The following KAT2B variants were observed in gnomAD, a reference collection of about 807,000 sequenced individuals.
The protein encoded by KAT2B is lysine acetyltransferase 2B, also known as histone acetyltransferase KAT2B.
A neutral mutation model predicts 105.9 loss-of-function variants in KAT2B; 36 were observed. The observed-to-expected ratio is 0.34, with a 90% CI of 0.26 to 0.45. The LOEUF (loss-of-function observed/expected upper bound fraction) is 0.45, where lower values mean the gene tolerates loss of function less well. Ranked by LOEUF, KAT2B falls within the 20% of genes least tolerant of loss-of-function variation. The pLI, the probability that KAT2B is intolerant of heterozygous loss-of-function variation, is 1.00. For missense variants in KAT2B, 820 were observed against 1,021.6 expected, an observed-to-expected ratio of 0.80 and a Z score of 2.69; for synonymous variants, 397 against 377.9, an observed-to-expected ratio of 1.05 and a Z score of -0.59.
At chr3:20,040,902 C>G in intron 1 of KAT2B, 122 bp downstream of exon 1, 1 of 1,211,882 alleles carries the variant, frequency 8.3e-7, no homozygotes, top group Non-Finnish European at 1.1e-6. Flanking sequence ...CGCCTGGGGC[C>G]GCTGCACCGC....
intron 1 of KAT2B, among the ~76,000 whole-genome samples, chr3:20,051,600 A>C (rs986415176): frequency 1.3e-5 from 2 of 152,188 alleles, no homozygotes; most frequent in African/African-American, 4.8e-5. Flanking sequence ...TAGTTGATAG[A>C]GATGTTGGAA....
At chr3:20,101,571 A>T in intron 5 of KAT2B, 103 bp downstream of exon 5, 1 of 824,070 alleles carries the variant, frequency 1.2e-6, no homozygotes, top group East Asian at 2.5e-5. Context: ...TATCATTATG[A>T]CTCCATCAAT....
chr3:20,144,383 G>T (rs1407182179), intron 13 of KAT2B, among the ~76,000 whole-genome samples: 1 of 146,466 alleles, frequency 6.8e-6, no homozygotes, highest in Non-Finnish European at 1.5e-5. Flanking sequence ...CTGCCTCCTG[G>T]GTTCGCACCA....
chr3:20,122,338 C>T (rs907060141), intron 8 of KAT2B, among the ~76,000 whole-genome samples: 4 of 152,152 alleles, frequency 2.6e-5, no homozygotes, highest in Non-Finnish European at 5.9e-5. Context: ...GTTCTCTGAC[C>T]TTGAAGAGAC....
At position 20,136,987 on chromosome 3, in the gene KAT2B, A is replaced by G; in HGVS notation, c.1795A>G (p.Lys599Glu). 1.9e-6 allele frequency: 3 copies of G among 1,610,830 alleles called. No individual in the cohort carries two copies. Among genetic ancestry groups the G allele is most frequent in the Non-Finnish European group, 2.5e-6 (3 of 1,177,126 alleles). The change falls in exon 12 of 18, where the codon AAG becomes GAG. Residue 599 changes from lysine to glutamate, a missense_variant. Around this residue, in one of 6 missense-constraint regions of KAT2B, gnomAD observed 227 missense variants for 292.9 expected, o/e 0.77. Transcript: ENST00000263754. ...GAATCATTTGAAAGAATATCACATA[A>G]AGCATGACATCCTGAACTTCCTCAC... ...LMNHLKEYHI[K>E]HDILNFLTYA...
At chr3:20,139,621 T>C (rs1236603031) in intron 12 of KAT2B, among the ~76,000 whole-genome samples, 1 of 152,082 alleles carries the variant, frequency 6.6e-6, no homozygotes, top group Admixed American at 6.5e-5. Context: ...AAATATATTA[T>C]TTATAATTTT....
chr3:20,107,055 C>T (rs1440521697), intron 5 of KAT2B, among the ~76,000 whole-genome samples: 4 of 65,860 alleles, frequency 6.1e-5, no homozygotes, highest in African/African-American at 5.8e-5. Context: ...TTTTTTGAGA[C>T]GGAGTCTTGC....
intron 1 of KAT2B, among the ~76,000 whole-genome samples, chr3:20,058,564 T>G (rs1698042651): frequency 6.6e-6 from 1 of 152,148 alleles, no homozygotes; most frequent in South Asian, 2.1e-4. Context: ...CCCAGGCAGT[T>G]TTGTTCTCCT....
At chr3:20,108,755 G>A (rs1006716713) in intron 5 of KAT2B, among the ~76,000 whole-genome samples, 7 of 152,184 alleles carry the variant, frequency 4.6e-5, no homozygotes, top group African/African-American at 1.4e-4. Context: ...AGTGGTGGGC[G>A]AGTGAGCATT....
chr3:20,110,855 C>T (rs1036321719), intron 5 of KAT2B, among the ~76,000 whole-genome samples: 1 of 152,060 alleles, frequency 6.6e-6, no homozygotes, highest in Non-Finnish European at 1.5e-5. Flanking sequence ...GGTCTGGGTC[C>T]TCCTCCAGCG....
Position 20,118,368 on chromosome 3 carries a change from G to A in KAT2B, c.1151-1230G>A, listed in dbSNP as rs1699245314. 2.7e-5 allele frequency among the ~76,000 whole-genome samples: 4 copies of A among 147,978 alleles called. No homozygotes were observed. In the South Asian group the frequency reaches 8.4e-4, roughly 31 times the overall value. ...TGTGTGTGTGTGTGTGTATGTGTGT[G>A]TATATGTATATATAAAACTTAGGGG... On this transcript the variant is annotated intron_variant, in intron 7 of 17. Transcript: ENST00000263754.
At chr3:20,062,265 T>TAA (rs1698142640) in intron 1 of KAT2B, among the ~76,000 whole-genome samples, 1 of 48,006 alleles carries the variant, frequency 2.1e-5, no homozygotes, top group Non-Finnish European at 4.8e-5. Flanking sequence ...ATATGATATA[T>TAA]AATATATAAT....
At chr3:20,141,018 C>T (rs1303193787) in intron 13 of KAT2B, among the ~76,000 whole-genome samples, 1 of 152,178 alleles carries the variant, frequency 6.6e-6, no homozygotes, top group African/African-American at 2.4e-5. Flanking sequence ...CCAAGTGCAT[C>T]TATTTACTAT....
intron 13 of KAT2B, among the ~76,000 whole-genome samples, chr3:20,141,777 G>A (rs1699698085): frequency 7.7e-6 from 1 of 130,688 alleles, no homozygotes; most frequent in Admixed American, 8.6e-5. Flanking sequence ...CTGGGGAAGT[G>A]AGCAAAGGCT....
At chr3:20,094,001 G>A (rs1698766573) in intron 2 of KAT2B, among the ~76,000 whole-genome samples, 1 of 152,152 alleles carries the variant, frequency 6.6e-6, no homozygotes, top group African/African-American at 2.4e-5. Flanking sequence ...TAGAATTTGG[G>A]TCAAACCTTT....
chr3:20,041,311 C>T (rs2125159825), intron 1 of KAT2B, among the ~76,000 whole-genome samples: 1 of 152,164 alleles, frequency 6.6e-6, no homozygotes, highest in East Asian at 1.9e-4. Context: ...GGAAGGTGGG[C>T]AGAGTCCGAG....
chr3:20,054,127 T>C (rs1033312644), intron 1 of KAT2B, among the ~76,000 whole-genome samples: 1 of 151,702 alleles, frequency 6.6e-6, no homozygotes, highest in African/African-American at 2.4e-5. Flanking sequence ...TTTTTGTTTT[T>C]TGTTTTTTTG....
chr3:20,130,334 C>G (rs1699486511), intron 11 of KAT2B, among the ~76,000 whole-genome samples: 1 of 152,160 alleles, frequency 6.6e-6, no homozygotes, highest in African/African-American at 2.4e-5. Context: ...TCAAGGAATT[C>G]TGACAGTGTG....
intron 2 of KAT2B, among the ~76,000 whole-genome samples, chr3:20,077,760 C>T (rs1698444875): frequency 6.6e-6 from 1 of 152,144 alleles, no homozygotes; most frequent in Admixed American, 6.6e-5. Context: ...GGGATTGGCA[C>T]AATAATATTC....
Sources: allele counts gnomAD v4.1 joint callset (sites outside exome capture counted in the v4.1 genomes callset), GRCh38; gene constraint gnomAD v4.1.1; regional missense constraint gnomAD v4.1.1; transcripts MANE v1.5; gene names NCBI Gene and HGNC (gene_info 2026-07-23, HGNC 2026-07-21).